Variants in FBXL19 observed in about 807,000 individuals in gnomAD.
The protein encoded by FBXL19 is F-box and leucine rich repeat protein 19, also known as F-box/LRR-repeat protein 19.
In FBXL19, 16 loss-of-function variants were observed where a neutral mutation model predicts 71.2. The observed-to-expected ratio is 0.22, with a 90% CI of 0.15 to 0.34. The LOEUF (loss-of-function observed/expected upper bound fraction) is 0.34, where lower values mean the gene tolerates loss of function less well. Ranked by LOEUF, FBXL19 falls within the 10% of genes least tolerant of loss-of-function variation. The probability of loss-of-function intolerance (pLI) is 1.00; values close to 1 mark genes in which losing one functional copy is unlikely to be tolerated. For synonymous variants in FBXL19, 447 were observed against 409.4 expected (o/e 1.09, Z -1.11); for missense variants, 658 against 968.2 (o/e 0.68, Z 4.25).
At chr16:30,932,407 G>C (rs2055685416) in intron 7 of FBXL19, among the ~76,000 whole-genome samples, 1 of 152,224 alleles carries the variant, frequency 6.6e-6, no homozygotes, top group Non-Finnish European at 1.5e-5. Flanking sequence ...TTCAAGGCCA[G>C]CTCTGTGCCT....
At chr16:30,944,998 G>A (rs1221084477) in intron 9 of FBXL19, among the ~76,000 whole-genome samples, 1 of 152,204 alleles carries the variant, frequency 6.6e-6, no homozygotes, top group African/African-American at 2.4e-5. Flanking sequence ...GGGAAGGAGT[G>A]CCTAGTGAGG....
Position 30,925,946 on chromosome 16 carries a change from C to A in FBXL19, c.177+15C>A, listed in dbSNP as rs1331568941. 8 of 1,472,194 alleles carry A rather than the reference C, an allele frequency of 5.4e-6. No homozygotes were observed. The highest frequency in any genetic ancestry group is 6.3e-6 in the Non-Finnish European group (7 of 1,115,890). The allele number at this position is 1,472,194 out of a possible 1,614,324, so 91.2% of individuals were successfully genotyped here. A position where few individuals can be genotyped will look rare whatever the true frequency, so the allele number is the denominator to read the frequency against. On this transcript the variant is annotated intron_variant, in intron 2 of 10. Coordinates refer to ENST00000338343, the MANE Select transcript of FBXL19 (RefSeq NM_001382779.1). The surrounding 1 kb of genome is among the most constrained non-coding windows in gnomAD (Gnocchi z 5.0). ...AGTGCACTGCCGTGAGTTCTGCCCC[C>A]ACCTTTGGGCTCTGCCCACCCTTCC...
Position 30,930,708 on chromosome 16 carries a change from C to A in FBXL19, c.1301+124C>A. Reference sequence around the variant, plus strand: ...ATATTGGGGATACTTCTCTAGTATGCACAGATTACAGTGCATCCTTCCGTA... The same window carrying A: ...ATATTGGGGATACTTCTCTAGTATGAACAGATTACAGTGCATCCTTCCGTA... On this transcript the variant is annotated intron_variant, in intron 7 of 10. Transcript: ENST00000338343. This position sits in a 1 kb window ranked among gnomAD's most constrained non-coding sequence, Gnocchi z 8.5. The A allele has an allele frequency of 9.4e-7, 1 of 1,066,006 alleles. No individual in the cohort carries two copies. Among genetic ancestry groups the A allele is most frequent in the South Asian group, 2.6e-5 (1 of 39,144 alleles). The allele number at this position is 1,066,006 out of a possible 1,614,324, so 66.0% of individuals were successfully genotyped here. A position where few individuals can be genotyped will look rare whatever the true frequency, so the allele number is the denominator to read the frequency against.
At chr16:30,935,088 C>G (rs2055717442) in intron 7 of FBXL19, among the ~76,000 whole-genome samples, 1 of 152,096 alleles carries the variant, frequency 6.6e-6, no homozygotes, top group South Asian at 2.1e-4. Context: ...GATCAAGGAC[C>G]AGGAAGTGGT....
At chr16:30,939,570 C>T (rs1176516346) in intron 7 of FBXL19, among the ~76,000 whole-genome samples, 8 of 151,500 alleles carry the variant, frequency 5.3e-5, no homozygotes, top group South Asian at 2.1e-4. Context: ...CCCTCCACCA[C>T]GCCCAGCTAA....
chr16:30,925,788 G>A lies in FBXL19; in HGVS notation c.34G>A (p.Ala12Thr). The change falls in exon 2 of 11, where the codon GCG becomes ACG. Residue 12 changes from alanine (A) to threonine (T), a missense_variant. Ala to Thr is a moderately conservative substitution (Grantham distance 58). Coordinates refer to ENST00000338343, the MANE Select transcript of FBXL19 (RefSeq NM_001382779.1). The surrounding 1 kb of genome is among the most constrained non-coding windows in gnomAD (Gnocchi z 5.0). ...SSSSRGPGAG[A>T]RRRRTRCRRC... The stretch of plus-strand genomic sequence containing the variant: ...GAGCAGCCGGGGGCCGGGGGCCGGA[G>A]CGCGCCGACGCCGAACCCGCTGCCG... The A allele has an allele frequency of 6.7e-7, 1 of 1,489,954 alleles. No homozygotes were observed. The allele number at this position is 1,489,954 out of a possible 1,614,324, so 92.3% of individuals were successfully genotyped here. A position where few individuals can be genotyped will look rare whatever the true frequency, so the allele number is the denominator to read the frequency against.
chr16:30,945,523 CG>C (rs138635311), intron 9 of FBXL19, among the ~76,000 whole-genome samples: 1 of 151,732 alleles, frequency 6.6e-6, no homozygotes, highest in East Asian at 1.9e-4. Context: ...ATTAGCCAGG[CG>C]TGGTGGCAAA....
chr16:30,946,663 T>C lies in FBXL19; in HGVS notation c.1628-67T>C. 2.7e-6 allele frequency: 4 copies of C among 1,458,870 alleles called. No homozygotes were observed. The highest frequency in any genetic ancestry group is 3.7e-6 in the Non-Finnish European group (4 of 1,074,498). The allele number at this position is 1,458,870 out of a possible 1,614,324, so 90.4% of individuals were successfully genotyped here. The stretch of plus-strand genomic sequence containing the variant: ...ATGTGGGAAGCAGGTGGAGGGCAGA[T>C]GGTCTGGATACCTGGGCGCAGGGAT... On this transcript the variant is annotated intron_variant, in intron 9 of 10. Transcript: ENST00000338343. The surrounding 1 kb of genome is among the most constrained non-coding windows in gnomAD (Gnocchi z 6.7).
At position 30,947,271 on chromosome 16, in the gene FBXL19, G is replaced by C; in HGVS notation, c.*41G>C. On this transcript the variant is annotated 3_prime_UTR_variant, in exon 11 of 11. Coordinates refer to ENST00000338343, the MANE Select transcript of FBXL19 (RefSeq NM_001382779.1). ...CCTCCCCCGGACTCGACAGGAGCCT[G>C]GACCTCCGGCTTCATTTCACCCCTG... 2 of 1,479,898 alleles carry C rather than the reference G, an allele frequency of 1.4e-6. No homozygotes were observed. Among genetic ancestry groups the C allele is most frequent in the Non-Finnish European group, 1.8e-6 (2 of 1,111,020 alleles). 91.7% of individuals were successfully genotyped at this position (1,479,898 alleles called of 1,614,324 possible).
In FBXL19 at chr16:30,947,771, T is replaced by C. The variant is rs1270585105; in HGVS notation, c.*541T>C. The C allele has an allele frequency of 1.2e-5, 5 of 406,030 alleles. No homozygotes were observed. Among genetic ancestry groups the C allele is most frequent in the African/African-American group, 1.1e-4 (5 of 47,226 alleles). 25.2% of individuals were successfully genotyped at this position (406,030 alleles called of 1,614,324 possible). ...AACCAGGGGCAAGCTGGGGCTGAGC[T>C]GGAGGTGGGGATGAGAGCAGGTGTG... On this transcript the variant is annotated 3_prime_UTR_variant, in exon 11 of 11. Transcript: ENST00000338343.
At position 30,930,247 on chromosome 16, in the gene FBXL19, A is replaced by AGTGAGGACGAAGCCCCCG; in HGVS notation, c.966_983dup (p.Asp324_Glu329dup). Reference sequence around the variant, plus strand: ...CTCCGACTCTTCGGGCACATCGCTGAGTGAGGACGAAGCCCCCGGCGAGGC... The same window carrying AGTGAGGACGAAGCCCCCG: ...CTCCGACTCTTCGGGCACATCGCTGAGTGAGGACGAAGCCCCCGGTGAGGACGAAGCCCCCGGCGAGGC... On this transcript the variant is annotated inframe_insertion, in exon 7 of 11. Transcript: ENST00000338343. This position sits in a 1 kb window ranked among gnomAD's most constrained non-coding sequence, Gnocchi z 8.5. 1 of 1,612,884 alleles carries AGTGAGGACGAAGCCCCCG rather than the reference A, an allele frequency of 6.2e-7. No homozygotes were observed. The highest frequency in any genetic ancestry group is 8.5e-7 in the Non-Finnish European group (1 of 1,179,856).
At position 30,942,199 on chromosome 16, in the gene FBXL19, G is replaced by C; in HGVS notation, c.1385G>C (p.Arg462Pro). ...CCGCCCATGCTCAGTGGTGTGGTTC[G>C]CCGCCAGCCCCGTGCCCTGGACCTC... ...LTPPMLSGVVRRQPRALDLSW... is the reference protein window; with the variant it reads ...LTPPMLSGVVPRQPRALDLSW... Residue 462 changes from arginine (R) to proline (P), a missense_variant, in exon 8 of 11, where the codon CGC becomes CCC. By Grantham distance (103) the Arg-to-Pro change is moderately radical. Transcript: ENST00000338343. This position sits in a 1 kb window ranked among gnomAD's most constrained non-coding sequence, Gnocchi z 5.7. 1 of 1,592,406 alleles carries C rather than the reference G, an allele frequency of 6.3e-7. No homozygotes were observed. The highest frequency in any genetic ancestry group is 8.5e-7 in the Non-Finnish European group (1 of 1,169,802).
Position 30,947,833 on chromosome 16 carries a change from T to C in FBXL19, c.*603T>C. On this transcript the variant is annotated 3_prime_UTR_variant, in exon 11 of 11. Coordinates refer to ENST00000338343, the MANE Select transcript of FBXL19 (RefSeq NM_001382779.1). The stretch of plus-strand genomic sequence containing the variant: ...ACCCCCTTGGGGGTCACCTCTCTGC[T>C]TCCCCCCTCCCCAGGCTTCAGTTCC... The C allele has an allele frequency of 2.2e-6, 1 of 448,348 alleles. No individual in the cohort carries two copies. Among genetic ancestry groups the C allele is most frequent in the East Asian group, 7.3e-5 (1 of 13,726 alleles). 27.8% of individuals were successfully genotyped at this position (448,348 alleles called of 1,614,324 possible). A position where few individuals can be genotyped will look rare whatever the true frequency, so the allele number is the denominator to read the frequency against.
At chr16:30,926,785 ACTGT>A (rs1187383434) in intron 2 of FBXL19, among the ~76,000 whole-genome samples, 2 of 151,764 alleles carry the variant, frequency 1.3e-5, no homozygotes, top group Non-Finnish European at 2.9e-5. Context: ...TCAAAGTCAC[ACTGT>A]CTGAGGCTGC....
At chr16:30,932,757 G>C (rs1033023581) in intron 7 of FBXL19, among the ~76,000 whole-genome samples, 1 of 152,118 alleles carries the variant, frequency 6.6e-6, no homozygotes, top group Non-Finnish European at 1.5e-5. Flanking sequence ...GGGGCCTGTG[G>C]GGGCACAGCA....
rs557281164 is a variant in FBXL19, at chr16:30,946,657, G to A, written c.1628-73G>A. 1.5e-4 allele frequency: 209 copies of A among 1,419,512 alleles called. No homozygotes were observed. The highest frequency in any genetic ancestry group is 2.0e-4 in the Non-Finnish European group (204 of 1,043,216). The allele number at this position is 1,419,512 out of a possible 1,614,324, so 87.9% of individuals were successfully genotyped here. ...TCACTTATGTGGGAAGCAGGTGGAGGGCAGATGGTCTGGATACCTGGGCGC... is the reference window on the plus strand; with the variant it reads ...TCACTTATGTGGGAAGCAGGTGGAGAGCAGATGGTCTGGATACCTGGGCGC... On this transcript the variant is annotated intron_variant, in intron 9 of 10. Transcript: ENST00000338343. This position sits in a 1 kb window ranked among gnomAD's most constrained non-coding sequence, Gnocchi z 6.7.
chr16:30,936,606 T>TC (rs1330943507), intron 7 of FBXL19, among the ~76,000 whole-genome samples: 63 of 148,148 alleles, frequency 4.3e-4, no homozygotes, highest in African/African-American at 1.5e-3. Flanking sequence ...TTTTTCTTTT[T>TC]TTTTTTTTTT....
rs1351921216 is a variant in FBXL19, at chr16:30,923,673, C to A, written c.-811C>A. ...CTGGGGGACCAGGGGGGCTGAGACACCCCAACTGCCCCCTTCCCCTTTCCC... is the reference window on the plus strand; with the variant it reads ...CTGGGGGACCAGGGGGGCTGAGACAACCCAACTGCCCCCTTCCCCTTTCCC... On this transcript the variant is annotated 5_prime_UTR_variant, in exon 1 of 11. Coordinates refer to ENST00000338343, the MANE Select transcript of FBXL19 (RefSeq NM_001382779.1). Among the ~76,000 whole-genome samples the A allele has an allele frequency of 6.6e-6, 1 of 151,608 alleles. No homozygotes were observed. Among genetic ancestry groups the A allele is most frequent in the Non-Finnish European group, 1.5e-5 (1 of 67,826 alleles).
intron 7 of FBXL19, among the ~76,000 whole-genome samples, chr16:30,933,082 C>A (rs1234627432): frequency 6.6e-6 from 1 of 151,970 alleles, no homozygotes; most frequent in Non-Finnish European, 1.5e-5. Context: ...CTCACCACAA[C>A]CTCCACCTCC....
Sources: allele counts gnomAD v4.1 joint callset (sites outside exome capture counted in the v4.1 genomes callset), GRCh38; gene constraint gnomAD v4.1.1; non-coding constraint Gnocchi (gnomAD v3.1); transcripts MANE v1.5; gene names NCBI Gene and HGNC (gene_info 2026-07-23, HGNC 2026-07-21).